The following KRT84 variants were observed in gnomAD, a reference collection of about 807,000 sequenced individuals.
KRT84 encodes keratin 84.
Under a neutral mutation model 49.0 loss-of-function variants are expected in KRT84, and 38 were observed. That is an observed-to-expected ratio of 0.78 (90% confidence interval 0.60 to 1.02). The LOEUF (loss-of-function observed/expected upper bound fraction) is 1.02. Among genes scored for constraint, KRT84 ranks in the 50% least tolerant of loss-of-function variants. The pLI is 0.00. For missense variants in KRT84, 860 were observed against 788.6 expected (o/e 1.09, Z -1.08); for synonymous variants, 334 against 312.8 (o/e 1.07, Z -0.72).
intron 2 of KRT84, 77 bp from the exon 3 acceptor site, chr12:52,383,142 G>T (rs1939512836): frequency 8.5e-7 from 1 of 1,182,808 alleles, no homozygotes; most frequent in Non-Finnish European, 1.3e-6. Context: ...AGTGAACCTT[G>T]CAAGATCTCT....
intron 2 of KRT84, 116 bp downstream of exon 2, chr12:52,383,474 A>AT: frequency 3.2e-6 from 2 of 617,752 alleles, no homozygotes; most frequent in Non-Finnish European, 5.3e-6. Flanking sequence ...CCCAGGCTTG[A>AT]TGTGGTAACC....
At chr12:52,378,403 G>A (rs1412074841) in intron 8 of KRT84, 23 bp from the exon 9 acceptor site, 2 of 1,436,328 alleles carry the variant, frequency 1.4e-6, no homozygotes, top group East Asian at 2.7e-5. Flanking sequence ...AAAGCATCAG[G>A]GAGGCTGCCG....
chr12:52,377,967 C>A lies in KRT84; in HGVS notation c.*67G>T. 7.8e-7 allele frequency: 1 copy of A among 1,280,074 alleles called. No individual in the cohort carries two copies. Among genetic ancestry groups the A allele is most frequent in the Non-Finnish European group, 1.0e-6 (1 of 974,642 alleles). 79.3% of individuals were successfully genotyped at this position (1,280,074 alleles called of 1,614,324 possible). Reference sequence around the variant, plus strand: ...CCGTCAAGCCCAGAGCCCACGAACCCTGGGGGCAGAAGCAGGAGCCGTGGA... The same window carrying A: ...CCGTCAAGCCCAGAGCCCACGAACCATGGGGGCAGAAGCAGGAGCCGTGGA... On this transcript the variant is annotated 3_prime_UTR_variant, in exon 9 of 9. Transcript: ENST00000257951.
At position 52,385,214 on chromosome 12, in the gene KRT84, G is replaced by A; in HGVS notation, c.372C>T (p.Tyr124=). 2.5e-6 allele frequency: 4 copies of A among 1,613,476 alleles called. No individual in the cohort carries two copies. Among genetic ancestry groups the A allele is most frequent in the Non-Finnish European group, 3.4e-6 (4 of 1,179,602 alleles). ...CTGGGACTCCAACCCCTCCAACTCT[G>A]TAACCAAAGCCAGGGCCACCAAAGC... ...GYGFGGPGFG[Y]RVGGVGVPAA... is the part of the protein sequence containing the mutation. Residue 124 remains tyrosine (Y), a synonymous_variant, in exon 1 of 9, where the codon TAC becomes TAT. Transcript: ENST00000257951.
In KRT84 at chr12:52,378,310, G is replaced by T. The variant is rs915525628; in HGVS notation, c.1527C>A (p.Arg509=). ...TGCTACCTGAGAAGGTGACCCCGCC[G>T]CGGGAGAGGGTGGAGCCGGCAACCA... The part of the protein sequence containing the change: ...EPLVAGSTLS[R]GGVTFSGSSS... Residue 509 remains arginine (R), a synonymous_variant, in exon 9 of 9, where the codon CGC becomes CGA. Transcript: ENST00000257951. The T allele has an allele frequency of 5.2e-6, 8 of 1,537,374 alleles. No homozygotes were observed. The highest frequency in any genetic ancestry group is 2.0e-5 in the Admixed American group (1 of 50,456).
intron 1 of KRT84, among the ~76,000 whole-genome samples, chr12:52,384,742 A>C (rs994827809): frequency 2.0e-5 from 3 of 152,220 alleles, no homozygotes; most frequent in African/African-American, 7.2e-5. Context: ...CTAAGTGACC[A>C]GATGCAACAT....
chr12:52,378,213 C>T lies in KRT84; in HGVS notation c.1624G>A (p.Ala542Thr). 6.4e-7 allele frequency: 1 copy of T among 1,568,768 alleles called. No homozygotes were observed. The highest frequency in any genetic ancestry group is 8.6e-7 in the Non-Finnish European group (1 of 1,158,296). Residue 542 changes from alanine to threonine, a missense_variant, in exon 9 of 9, where the codon GCC becomes ACC. Transcript: ENST00000257951. ...CCAGTGCTCAGCAGGTCCCCAGTGG[C>T]CGGGGCGACCCGGGCTCCACCCAGG... ...PSLGGARVAP[A>T]TGDLLSTGTR...
At chr12:52,382,407 TTGGGTGCCC>T in intron 4 of KRT84, 21 bp downstream of exon 4, 1 of 1,477,150 alleles carries the variant, frequency 6.8e-7, no homozygotes, top group Non-Finnish European at 9.5e-7. Flanking sequence ...ATTGATCTCC[TTGGGTGCCC>T]TAGAGAAGAT....
intron 6 of KRT84, 64 bp downstream of exon 6, chr12:52,381,016 G>T: frequency 1.3e-6 from 2 of 1,584,238 alleles, no homozygotes; most frequent in Non-Finnish European, 1.7e-6. Flanking sequence ...AGACTTGGGG[G>T]TTCCCAAAGC....
In KRT84 at chr12:52,383,608, A is replaced by G; in HGVS notation, c.737T>C (p.Leu246Pro). The G allele has an allele frequency of 6.2e-7, 1 of 1,613,148 alleles. No individual in the cohort carries two copies. Among genetic ancestry groups the G allele is most frequent in the East Asian group, 2.2e-5 (1 of 44,874 alleles). Residue 246 changes from leucine to proline, a missense_variant, in exon 2 of 9, where the codon CTA becomes CCA. Leu to Pro is a moderately conservative substitution (Grantham distance 98). Coordinates refer to ENST00000257951, the MANE Select transcript of KRT84 (RefSeq NM_033045.4). ...QAERNHLQDVLEGFKKKYEEE... is the reference protein window; with the variant it reads ...QAERNHLQDVPEGFKKKYEEE... The stretch of plus-strand genomic sequence containing the variant: ...CACTCACTTCTTCTTGAAGCCCTCT[A>G]GGACATCCTGCAGGTGGTTCCTCTC...
chr12:52,384,172 T>C (rs1182532025), intron 1 of KRT84, among the ~76,000 whole-genome samples: 2 of 152,146 alleles, frequency 1.3e-5, no homozygotes, highest in Admixed American at 6.5e-5. Flanking sequence ...GGGAGCAGAG[T>C]AAACTACATT....
Position 52,385,637 on chromosome 12 carries a change from A to G in KRT84, c.-52T>C. 3 of 1,556,826 alleles carry G rather than the reference A, an allele frequency of 1.9e-6. No individual in the cohort carries two copies. The highest frequency in any genetic ancestry group is 2.6e-6 in the Non-Finnish European group (3 of 1,142,824). On this transcript the variant is annotated 5_prime_UTR_variant, in exon 1 of 9. Coordinates refer to ENST00000257951, the MANE Select transcript of KRT84 (RefSeq NM_033045.4). ...AGCAAGTGTAGAATGGGTGAGCTGGAGCTGGGAGTCCCTCTGAGGCCAGTG... is the reference window on the plus strand; with the variant it reads ...AGCAAGTGTAGAATGGGTGAGCTGGGGCTGGGAGTCCCTCTGAGGCCAGTG...
intron 1 of KRT84, 134 bp downstream of exon 1, chr12:52,384,906 G>T: frequency 1.1e-6 from 1 of 930,770 alleles, no homozygotes; most frequent in Non-Finnish European, 1.6e-6. Flanking sequence ...CACAATGCCT[G>T]AGGTAGGCAC....
rs1410039556 is a variant in KRT84 at position 52,378,382 on chromosome 12, T to A, written c.1457-2A>T. The A allele has an allele frequency of 1.4e-6, 2 of 1,452,872 alleles. No homozygotes were observed. Among genetic ancestry groups the A allele is most frequent in the Non-Finnish European group, 1.8e-6 (2 of 1,105,608 alleles). 90.0% of individuals were successfully genotyped at this position (1,452,872 alleles called of 1,614,324 possible). A position where few individuals can be genotyped will look rare whatever the true frequency, so the allele number is the denominator to read the frequency against. On this transcript the variant is annotated splice_acceptor_variant, in intron 8 of 8. Transcript: ENST00000257951. LOFTEE classifies it high-confidence loss of function. Reference sequence around the variant, plus strand: ...GGCCGCCCCGGGAGCTGCTGACGGCTGCGGAGAAAGAAAGCATCAGGGAGG... The same window carrying A: ...GGCCGCCCCGGGAGCTGCTGACGGCAGCGGAGAAAGAAAGCATCAGGGAGG...
chr12:52,386,469 G>A (rs915448923), upstream of KRT84, among the ~76,000 whole-genome samples: 6 of 149,870 alleles, frequency 4.0e-5, no homozygotes, highest in Non-Finnish European at 8.9e-5. Context: ...TGATCCTCCC[G>A]CCTCCGCCTC....
At chr12:52,382,004 T>C (rs958698091) in intron 4 of KRT84, among the ~76,000 whole-genome samples, 1 of 152,228 alleles carries the variant, frequency 6.6e-6, no homozygotes, top group Non-Finnish European at 1.5e-5. Context: ...TTCCTCAGCC[T>C]CTTCACTTAG....
chr12:52,384,394 G>A (rs147167363), intron 1 of KRT84, among the ~76,000 whole-genome samples: 80 of 152,300 alleles, frequency 5.3e-4, no homozygotes, highest in Non-Finnish European at 7.1e-4. Flanking sequence ...GACATGGTGT[G>A]TGGGATGTCA....
intron 3 of KRT84, among the ~76,000 whole-genome samples, 185 bp downstream of exon 3, chr12:52,382,820 A>G (rs1162862474): frequency 1.3e-5 from 2 of 152,188 alleles, no homozygotes; most frequent in African/African-American, 4.8e-5. Context: ...CCAATCCTAA[A>G]GAATCTGAGG....
rs1387333772 is a variant in KRT84 at position 52,380,401 on chromosome 12, G to T, written c.1386C>A (p.Ile462=). 6.2e-7 allele frequency: 1 copy of T among 1,614,168 alleles called. No homozygotes were observed. Among genetic ancestry groups the T allele is most frequent in the Admixed American group, 1.7e-5 (1 of 60,026 alleles). Residue 462 remains isoleucine (I), a synonymous_variant, in exon 7 of 9, where the codon ATC becomes ATA. Transcript: ENST00000257951. ...MNAKLGLDIE[I]ATYRRLLEGE... ...CCTCCAGCAGGCGCCTGTAGGTGGCGATCTCGATGTCCAGGCCCAGCTTGG... is the reference window on the plus strand; with the variant it reads ...CCTCCAGCAGGCGCCTGTAGGTGGCTATCTCGATGTCCAGGCCCAGCTTGG...
Sources: allele counts gnomAD v4.1 joint callset (sites outside exome capture counted in the v4.1 genomes callset), GRCh38; gene constraint gnomAD v4.1.1; transcripts MANE v1.5; gene names NCBI Gene and HGNC (gene_info 2026-07-23, HGNC 2026-07-21).